The following ARMC10 variants were observed in gnomAD, a reference collection of about 807,000 sequenced individuals.
ARMC10 encodes armadillo repeat containing 10.
A neutral mutation model predicts 30.2 loss-of-function variants in ARMC10; 23 were observed. The observed-to-expected ratio is 0.76, with a 90% CI of 0.55 to 1.08. ARMC10 has a LOEUF of 1.08. ARMC10 is among the 50% of genes least tolerant of loss of function. The pLI is 0.00. For synonymous variants in ARMC10, 111 were observed against 164.4 expected (o/e 0.68, Z 2.48); for missense variants, 303 against 413.7 (o/e 0.73, Z 2.32).
rs772711168 is a variant in ARMC10 at position 103,083,673 on chromosome 7, C to T, written c.245-9C>T. Reference sequence around the variant, plus strand: ...TAGCTTAACTTCAAATAACTTTCTTCTTATGCAGAAGACTTAACTGATGGT... The same window carrying T: ...TAGCTTAACTTCAAATAACTTTCTTTTTATGCAGAAGACTTAACTGATGGT... On this transcript the variant is annotated splice_polypyrimidine_tract_variant and intron_variant, in intron 2 of 6. Transcript: ENST00000323716. The T allele has an allele frequency of 1.9e-6, 3 of 1,600,226 alleles. No individual in the cohort carries two copies. The South Asian group carries it at 3.3e-5, about 18-fold the overall frequency.
chr7:103,080,662 C>G (rs1283595792), intron 2 of ARMC10, among the ~76,000 whole-genome samples: 3 of 151,926 alleles, frequency 2.0e-5, no homozygotes, highest in Non-Finnish European at 4.4e-5. Flanking sequence ...GAGTCTTGCT[C>G]TGTTGCCCAG....
At chr7:103,095,543 T>A (rs537693313) in intron 5 of ARMC10, among the ~76,000 whole-genome samples, 5 of 68,338 alleles carry the variant, frequency 7.3e-5, no homozygotes, top group Non-Finnish European at 2.0e-4. Context: ...AATATCCAGG[T>A]TCCTTCCCAG....
At chr7:103,083,121 T>C (rs1478233720) in intron 2 of ARMC10, 10 of 456,634 alleles carry the variant, frequency 2.2e-5, no homozygotes, top group Admixed American at 4.7e-5. Context: ...CAAAATGTTA[T>C]CAGCATTTGA....
rs746871233 is a variant in ARMC10, at chr7:103,075,356, C to G, written c.84C>G (p.Thr28=). 1 of 1,273,738 alleles carries G rather than the reference C, an allele frequency of 7.9e-7. No individual in the cohort carries two copies. Among genetic ancestry groups the G allele is most frequent in the Non-Finnish European group, 9.9e-7 (1 of 1,008,860 alleles). The allele number at this position is 1,273,738 out of a possible 1,614,324, so 78.9% of individuals were successfully genotyped here. A position where few individuals can be genotyped will look rare whatever the true frequency, so the allele number is the denominator to read the frequency against. Reference sequence around the variant, plus strand: ...CCTGCTACTGCATTTACAGGCTGACCCGGGGTCGGCGGCGGGGCGACCGCG... The same window carrying G: ...CCTGCTACTGCATTTACAGGCTGACGCGGGGTCGGCGGCGGGGCGACCGCG... ...AGACYCIYRL[T]RGRRRGDREL... Residue 28 remains threonine (T), a synonymous_variant, in exon 1 of 7, where the codon ACC becomes ACG. Transcript: ENST00000323716.
At position 103,085,100 on chromosome 7, in the gene ARMC10, C is replaced by G. The variant is rs1259687542; in HGVS notation, c.393+1270C>G. Among the ~76,000 whole-genome samples the G allele has an allele frequency of 2.0e-5, 3 of 152,242 alleles. No individual in the cohort carries two copies. In the East Asian group the frequency reaches 5.8e-4, roughly 29 times the overall value. On this transcript the variant is annotated intron_variant, in intron 3 of 6. Transcript: ENST00000323716. ...GCTAGTGATTAATGTGTTAGCCTGCCTTTAAAGAAGTATTTCTGATGGCAT... is the reference window on the plus strand; with the variant it reads ...GCTAGTGATTAATGTGTTAGCCTGCGTTTAAAGAAGTATTTCTGATGGCAT...
Position 103,075,876 on chromosome 7 carries a change from A to T in ARMC10, c.239A>T (p.Gln80Leu). 1 of 1,597,360 alleles carries T rather than the reference A, an allele frequency of 6.3e-7. No individual in the cohort carries two copies. The highest frequency in any genetic ancestry group is 8.5e-7 in the Non-Finnish European group (1 of 1,171,048). ...TWESQWSKTS[Q>L]PEDLTDGSYD... ...GAGTCACAGTGGTCCAAGACCTCGC[A>T]GCCTGGTGTGTGTTTTGGAAATGGG... Residue 80 changes from glutamine (Q) to leucine (L), a missense_variant, in exon 2 of 7, where the codon CAG (glutamine) becomes CTG (leucine). Around this residue, in one of 4 missense-constraint regions of ARMC10, gnomAD observed 96 missense variants for 84.2 expected, o/e 1.14. Transcript: ENST00000323716.
At chr7:103,075,704 A>G (rs1799689708) in intron 1 of ARMC10, 73 bp from the exon 2 acceptor site, 3 of 1,169,622 alleles carry the variant, frequency 2.6e-6, no homozygotes, top group Non-Finnish European at 3.5e-6. Flanking sequence ...GCCTTTGTGT[A>G]ACTAAAGGGA....
At position 103,085,503 on chromosome 7, in the gene ARMC10, C is replaced by A. The variant is rs186348093; in HGVS notation, c.394-1127C>A. 2.8e-4 allele frequency among the ~76,000 whole-genome samples: 43 copies of A among 151,878 alleles called. No individual in the cohort carries two copies. The East Asian group carries it at 6.7e-3, about 24-fold the overall frequency. On this transcript the variant is annotated intron_variant, in intron 3 of 6. Transcript: ENST00000323716. ...TTACGAGAATTAAAGCGATTTAATT[C>A]TTTCAATGTTTGAGCCAAAAGCACA...
chr7:103,081,743 G>A, intron 2 of ARMC10: 1 of 360,464 alleles, frequency 2.8e-6, no homozygotes, highest in South Asian at 2.2e-5. Context: ...TCTCAAATAT[G>A]GATGAGTTAA....
Position 103,086,779 on chromosome 7 carries a change from A to T in ARMC10, c.528+15A>T, listed in dbSNP as rs1800899576. 1 of 1,587,796 alleles carries T rather than the reference A, an allele frequency of 6.3e-7. No homozygotes were observed. Among genetic ancestry groups the T allele is most frequent in the Non-Finnish European group, 8.5e-7 (1 of 1,172,298 alleles). ...TCAAGATAAAGGTAAGTTGACTGAA[A>T]ATCACAAATGTATAAGGTTTTCTAT... On this transcript the variant is annotated intron_variant, in intron 4 of 6. Coordinates refer to ENST00000323716, the MANE Select transcript of ARMC10 (RefSeq NM_031905.5).
At position 103,083,759 on chromosome 7, in the gene ARMC10, A is replaced by T. The variant is rs776977533; in HGVS notation, c.322A>T (p.Thr108Ser). 9 of 1,614,018 alleles carry T rather than the reference A, an allele frequency of 5.6e-6. No homozygotes were observed. Among genetic ancestry groups the T allele is most frequent in the Non-Finnish European group, 6.8e-6 (8 of 1,179,962 alleles). ...GAAACTCCTTTACCTGCTGGAGTCA[A>T]CGGAGGATCCTGTAATTATTGAAAG... ...LQKLLYLLES[T>S]EDPVIIERAL... Residue 108 changes from threonine to serine, a missense_variant, in exon 3 of 7, where the codon ACG becomes TCG. Thr to Ser is a moderately conservative substitution (Grantham distance 58). Transcript: ENST00000323716.
intron 2 of ARMC10, among the ~76,000 whole-genome samples, chr7:103,083,425 C>T (rs1445606579): frequency 6.6e-6 from 1 of 152,130 alleles, no homozygotes; most frequent in Non-Finnish European, 1.5e-5. Flanking sequence ...TTGAGACCAG[C>T]CTGGGCAACA....
intron 1 of ARMC10, 146 bp from the exon 2 acceptor site, chr7:103,075,631 A>G: frequency 1.2e-6 from 1 of 857,320 alleles, no homozygotes; most frequent in Non-Finnish European, 1.7e-6. Flanking sequence ...GCTCCGCGTC[A>G]CAGCGGAGGA....
At chr7:103,084,697 G>T (rs1038059110) in intron 3 of ARMC10, among the ~76,000 whole-genome samples, 3 of 152,122 alleles carry the variant, frequency 2.0e-5, no homozygotes, top group African/African-American at 7.2e-5. Context: ...CTACCTTTTG[G>T]CTTTGCTTAT....
chr7:103,084,801 C>T (rs1295520843), intron 3 of ARMC10, among the ~76,000 whole-genome samples: 1 of 152,182 alleles, frequency 6.6e-6, no homozygotes, highest in African/African-American at 2.4e-5. Flanking sequence ...CTCTCTAAGC[C>T]TTCATCTCTG....
chr7:103,088,553 CT>C (rs2129523147), intron 4 of ARMC10: 1 of 153,516 alleles, frequency 6.5e-6, no homozygotes, highest in East Asian at 1.9e-4. Context: ...AAAAATCTTA[CT>C]TTTTTCCCAT....
intron 3 of ARMC10, among the ~76,000 whole-genome samples, chr7:103,085,621 T>TTC (rs1291464970): frequency 1.3e-5 from 2 of 150,956 alleles, no homozygotes; most frequent in Non-Finnish European, 3.0e-5. Context: ...TTTTTTTTTT[T>TTC]TTTTTCTTTT....
chr7:103,090,593 G>C (rs1261345545), intron 4 of ARMC10, among the ~76,000 whole-genome samples: 1 of 152,140 alleles, frequency 6.6e-6, no homozygotes, highest in Non-Finnish European at 1.5e-5. Context: ...CCTGCCTCCT[G>C]TTCAAGCAAT....
chr7:103,082,635 AT>A (rs932616834), intron 2 of ARMC10, among the ~76,000 whole-genome samples: 4 of 151,976 alleles, frequency 2.6e-5, no homozygotes, highest in African/African-American at 9.7e-5. Context: ...CAGCCTAACA[AT>A]TTTATGTGTT....
Sources: allele counts gnomAD v4.1 joint callset (sites outside exome capture counted in the v4.1 genomes callset), GRCh38; gene constraint gnomAD v4.1.1; regional missense constraint gnomAD v4.1.1; transcripts MANE v1.5; gene names NCBI Gene and HGNC (gene_info 2026-07-23, HGNC 2026-07-21).